Variants in TRIM66 observed in about 807,000 individuals in gnomAD.
TRIM66 encodes the protein tripartite motif-containing protein 66.
Under a neutral mutation model 148.2 loss-of-function variants are expected in TRIM66, and 99 were observed. That is an observed-to-expected ratio of 0.67 (90% confidence interval 0.57 to 0.79). The LOEUF (loss-of-function observed/expected upper bound fraction) is 0.79, where lower values mean the gene tolerates loss of function less well. Among genes scored for constraint, TRIM66 ranks in the 30% least tolerant of loss-of-function variants. The pLI, the probability that TRIM66 is intolerant of heterozygous loss-of-function variation, is 0.00. For missense variants in TRIM66, 1,666 were observed against 1,697.9 expected (o/e 0.98, Z 0.33); for synonymous variants, 616 against 635.9 (o/e 0.97, Z 0.47).
chr11:8,666,155 G>A (rs2038577588), intron 6 of TRIM66, among the ~76,000 whole-genome samples: 2 of 151,050 alleles, frequency 1.3e-5, no homozygotes, highest in Non-Finnish European at 3.0e-5. Context: ...TGGCCAATAT[G>A]GCGAAACCCC....
At chr11:8,683,174 G>C (rs200301068), upstream of TRIM66, 1 of 1,612,322 alleles carries the variant, frequency 6.2e-7, no homozygotes, top group Non-Finnish European at 8.5e-7. Flanking sequence ...AATTCCTTAG[G>C]CCTTACCACC....
intron 13 of TRIM66, among the ~76,000 whole-genome samples, chr11:8,641,857 G>A (rs2036422018): frequency 6.6e-6 from 1 of 152,042 alleles, no homozygotes; most frequent in Non-Finnish European, 1.5e-5. Flanking sequence ...CCCTTGCTCT[G>A]TTTCTTGCTG....
chr11:8,633,242 A>C (rs1052471106), intron 15 of TRIM66, among the ~76,000 whole-genome samples: 1 of 152,220 alleles, frequency 6.6e-6, no homozygotes, highest in African/African-American at 2.4e-5. Flanking sequence ...GAATCGCTTG[A>C]ATCTGGGAGG....
At chr11:8,655,797 T>A (rs2037777315) in intron 6 of TRIM66, among the ~76,000 whole-genome samples, 1 of 150,552 alleles carries the variant, frequency 6.6e-6, no homozygotes, top group Middle Eastern at 3.2e-3. Context: ...AAAATTAAAA[T>A]AAAAATAAAA....
chr11:8,675,128 T>C (rs2039116176), intron 3 of TRIM66, among the ~76,000 whole-genome samples: 1 of 152,244 alleles, frequency 6.6e-6, no homozygotes, highest in African/African-American at 2.4e-5. Context: ...TTCAATGACT[T>C]ATGCAGATGT....
At chr11:8,654,113 A>G (rs1328381462) in intron 6 of TRIM66, among the ~76,000 whole-genome samples, 1 of 152,228 alleles carries the variant, frequency 6.6e-6, no homozygotes, top group Non-Finnish European at 1.5e-5. Context: ...TGGCCTCACG[A>G]GCAGAATGAA....
chr11:8,612,902 A>C lies in TRIM66; in HGVS notation c.*5042T>G, dbSNP rs2033483172. 6.6e-6 allele frequency: 1 copy of C among 152,342 alleles called. No individual in the cohort carries two copies. The highest frequency in any genetic ancestry group is 1.5e-5 in the Non-Finnish European group (1 of 68,136). The allele number at this position is 152,342 out of a possible 1,614,324, so 9.4% of individuals were successfully genotyped here. ...GAGCTGCCCACCAGCCTGGTAATCC[A>C]GTTTAGCCAGACTGCGGCCTGGATG... On this transcript the variant is annotated 3_prime_UTR_variant, in exon 25 of 25. Transcript: ENST00000646038.
chr11:8,623,074 T>G (rs2034463299), intron 17 of TRIM66, among the ~76,000 whole-genome samples, 198 bp from the exon 18 acceptor site: 1 of 152,248 alleles, frequency 6.6e-6, no homozygotes, highest in African/African-American at 2.4e-5. Context: ...GAAGCCCACC[T>G]TCTTTTAAAA....
intron 15 of TRIM66, among the ~76,000 whole-genome samples, chr11:8,628,384 G>A (rs1026469082): frequency 2.6e-5 from 4 of 151,748 alleles, no homozygotes; most frequent in Admixed American, 6.6e-5. Flanking sequence ...AGACCGAGGC[G>A]GGAAGATCGC....
At chr11:8,636,098 T>C (rs1334193597) in intron 15 of TRIM66, among the ~76,000 whole-genome samples, 1 of 151,914 alleles carries the variant, frequency 6.6e-6, no homozygotes, top group African/African-American at 2.4e-5. Flanking sequence ...TGAGATATCT[T>C]CTCAACTTTT....
chr11:8,658,221 GC>G (rs1394749565), intron 6 of TRIM66, among the ~76,000 whole-genome samples: 2 of 152,228 alleles, frequency 1.3e-5, no homozygotes, highest in African/African-American at 4.8e-5. Context: ...AGGCTCTGCA[GC>G]AATTTTCCCA....
At chr11:8,618,709 G>T (rs1444199168) in intron 24 of TRIM66, 41 bp downstream of exon 24, 4 of 1,531,842 alleles carry the variant, frequency 2.6e-6, no homozygotes, top group Non-Finnish European at 3.5e-6. Context: ...CTGCTTGCCT[G>T]ATCACCGCCC....
At chr11:8,658,797 G>A in intron 6 of TRIM66, 1 of 985,318 alleles carries the variant, frequency 1.0e-6, no homozygotes. Context: ...GGCACTGAAG[G>A]AGGGTGTGGG....
intron 15 of TRIM66, among the ~76,000 whole-genome samples, chr11:8,636,292 C>G (rs981887311): frequency 7.3e-5 from 11 of 150,258 alleles, no homozygotes; most frequent in African/African-American, 2.7e-4. Flanking sequence ...TTTGAAAAAT[C>G]CCAGCCTCTC....
chr11:8,624,219 G>C (rs560990941), intron 17 of TRIM66, 140 bp downstream of exon 17: 1 of 955,626 alleles, frequency 1.0e-6, no homozygotes, highest in African/African-American at 1.7e-5. Context: ...AGTTCCGGAG[G>C]AGAGAAGTAA....
chr11:8,682,461 G>C (rs1358915825), intron 1 of TRIM66, 140 bp downstream of exon 1: 4 of 380,518 alleles, frequency 1.1e-5, no homozygotes, highest in Non-Finnish European at 1.9e-5. Context: ...GAGGCCCTTA[G>C]GGTCGGCTTA....
At chr11:8,638,505 T>C (rs991525239) in intron 15 of TRIM66, 149 bp downstream of exon 15, 12 of 849,026 alleles carry the variant, frequency 1.4e-5, no homozygotes, top group Non-Finnish European at 2.1e-5. Flanking sequence ...GCTGACTCAC[T>C]ACGGCAGAAG....
intron 15 of TRIM66, among the ~76,000 whole-genome samples, chr11:8,627,249 GT>G (rs143346984): frequency 0.015 from 2,347 of 152,262 alleles, 67 homozygotes; most frequent in African/African-American, 0.054. Flanking sequence ...TTAATGAGCT[GT>G]TTAAAAATTC....
upstream of TRIM66, chr11:8,682,792 C>T (rs201805042): frequency 4.1e-4 from 665 of 1,613,516 alleles, no homozygotes; most frequent in Middle Eastern, 6.6e-4. Context: ...GAAGGCCTTC[C>T]TTTTTCGTCT....
Sources: allele counts gnomAD v4.1 joint callset (sites outside exome capture counted in the v4.1 genomes callset), GRCh38; gene constraint gnomAD v4.1.1; transcripts MANE v1.5; gene names NCBI Gene and HGNC (gene_info 2026-07-23, HGNC 2026-07-21).